WNT11: variants seen among roughly 807,000 people sequenced by gnomAD.
WNT11 encodes Wnt family member 11, also known as protein Wnt-11.
Under a neutral mutation model 35.6 loss-of-function variants are expected in WNT11, and 20 were observed. The ratio of observed to expected loss-of-function variants is 0.56; its 90% CI spans 0.40 to 0.82. WNT11 has a LOEUF of 0.82. Ranked by LOEUF, WNT11 falls within the 40% of genes least tolerant of loss-of-function variation. The pLI, the probability that WNT11 is intolerant of heterozygous loss-of-function variation, is 0.00. For synonymous variants in WNT11, 200 were observed against 211.9 expected (o/e 0.94, Z 0.49); for missense variants, 459 against 504.4 (o/e 0.91, Z 0.86).
In WNT11 at chr11:76,191,701, G is replaced by A; in HGVS notation, c.753C>T (p.Pro251=). Residue 251 remains proline, a synonymous_variant, in exon 4 of 5, where the codon CCC becomes CCT. Coordinates refer to ENST00000322563, the MANE Select transcript of WNT11 (RefSeq NM_004626.3). ...YLSATKVVHR[P]MGTRKHLVPK... is the part of the protein sequence containing the mutation. Reference sequence around the variant, plus strand: ...GCACCAGGTGCTTGCGGGTGCCCATGGGTCGGTGCACTACCTTGGTGGCCG... The same window carrying A: ...GCACCAGGTGCTTGCGGGTGCCCATAGGTCGGTGCACTACCTTGGTGGCCG... The A allele has an allele frequency of 1.9e-6, 3 of 1,613,958 alleles. No individual in the cohort carries two copies. The highest frequency in any genetic ancestry group is 2.5e-6 in the Non-Finnish European group (3 of 1,180,036).
At position 76,194,444 on chromosome 11, in the gene WNT11, T is replaced by G; in HGVS notation, c.597+123A>C. 1 of 1,163,096 alleles carries G rather than the reference T, an allele frequency of 8.6e-7. No individual in the cohort carries two copies. Among genetic ancestry groups the G allele is most frequent in the South Asian group, 1.6e-5 (1 of 62,486 alleles). 72.0% of individuals were successfully genotyped at this position (1,163,096 alleles called of 1,614,324 possible). A position where few individuals can be genotyped will look rare whatever the true frequency, so the allele number is the denominator to read the frequency against. ...GAGGATGAGGATGGTGCGAGGCACATCAGGTGTGGGCCAGTCAGGGCCCGT... is the reference window on the plus strand; with the variant it reads ...GAGGATGAGGATGGTGCGAGGCACAGCAGGTGTGGGCCAGTCAGGGCCCGT... On this transcript the variant is annotated intron_variant, in intron 3 of 4. Transcript: ENST00000322563. This position sits in a 1 kb window ranked among gnomAD's most constrained non-coding sequence, Gnocchi z 5.4.
At chr11:76,203,326 C>T (rs938656177) in intron 1 of WNT11, among the ~76,000 whole-genome samples, 5 of 152,210 alleles carry the variant, frequency 3.3e-5, no homozygotes, top group African/African-American at 4.8e-5. Flanking sequence ...TACTCTGCAG[C>T]GCCATGGCCC....
At position 76,194,871 on chromosome 11, in the gene WNT11, G is replaced by A. The variant is rs760906627; in HGVS notation, c.320-27C>T. 2.4e-5 allele frequency: 36 copies of A among 1,473,940 alleles called. No homozygotes were observed. Among genetic ancestry groups the A allele is most frequent in the Non-Finnish European group, 3.0e-5 (34 of 1,117,936 alleles). The allele number at this position is 1,473,940 out of a possible 1,614,324, so 91.3% of individuals were successfully genotyped here. On this transcript the variant is annotated intron_variant, in intron 2 of 4. Transcript: ENST00000322563. This position sits in a 1 kb window ranked among gnomAD's most constrained non-coding sequence, Gnocchi z 5.4. ...TGAGGGTGGGAGGGGAAGGTCAGCC[G>A]ACGCTGATCCAGGGCTAGGACCCTG...
chr11:76,190,052 G>GGGGGAGGGGAGACTGCC (rs1953159414), intron 4 of WNT11, among the ~76,000 whole-genome samples: 1 of 72,206 alleles, frequency 1.4e-5, no homozygotes, highest in Non-Finnish European at 3.6e-5. Flanking sequence ...CTGAGGGCAC[G>GGGGGAGGGGAGACTGCC]GGGGAGGGGA....
intron 2 of WNT11, among the ~76,000 whole-genome samples, chr11:76,195,758 C>T (rs1383856681): frequency 6.6e-6 from 1 of 152,216 alleles, no homozygotes; most frequent in Admixed American, 6.5e-5. Context: ...CCTCAGTTTC[C>T]TTAACTGTAG....
Position 76,206,466 on chromosome 11 carries a change from G to C in WNT11, c.-59C>G, listed in dbSNP as rs1228668259. The C allele has an allele frequency of 9.8e-6, 13 of 1,331,044 alleles. No homozygotes were observed. Among genetic ancestry groups the C allele is most frequent in the Non-Finnish European group, 1.2e-5 (12 of 1,042,760 alleles). 82.5% of individuals were successfully genotyped at this position (1,331,044 alleles called of 1,614,324 possible). On this transcript the variant is annotated 5_prime_UTR_variant, in exon 1 of 5. Transcript: ENST00000322563. ...AGGAGGAGCCGCGCCGAAGTCCTCC[G>C]CCTGCACGGCCGCCGCTGGTCCTGC...
chr11:76,187,499 G>C (rs1953115702), intron 4 of WNT11, among the ~76,000 whole-genome samples: 1 of 152,144 alleles, frequency 6.6e-6, no homozygotes, highest in African/African-American at 2.4e-5. Flanking sequence ...GTCTCACTCT[G>C]TTGCCCAGGC....
chr11:76,194,902 G>A lies in WNT11; in HGVS notation c.320-58C>T, dbSNP rs1207562595. ...GATCCAGGGCTAGGACCCTGCCCAG[G>A]TCAGAGGTCCTCCACCTTCGCCCAC... is the stretch of plus-strand genomic sequence containing the variant. On this transcript the variant is annotated intron_variant, in intron 2 of 4. Coordinates refer to ENST00000322563, the MANE Select transcript of WNT11 (RefSeq NM_004626.3). This position sits in a 1 kb window ranked among gnomAD's most constrained non-coding sequence, Gnocchi z 5.4. 1.6e-5 allele frequency: 23 copies of A among 1,438,914 alleles called. No individual in the cohort carries two copies. The South Asian group carries it at 3.1e-4, about 19-fold the overall frequency. The allele number at this position is 1,438,914 out of a possible 1,614,324, so 89.1% of individuals were successfully genotyped here.
chr11:76,204,419 G>A (rs1035691420), intron 1 of WNT11, among the ~76,000 whole-genome samples: 6 of 152,112 alleles, frequency 3.9e-5, no homozygotes, highest in Non-Finnish European at 7.4e-5. Flanking sequence ...TGCGCTGTTC[G>A]GCCTCCAGGC....
chr11:76,206,240 CG>C (rs1277353738), intron 1 of WNT11, 84 bp downstream of exon 1: 1 of 1,233,046 alleles, frequency 8.1e-7, no homozygotes, highest in South Asian at 2.0e-5. Flanking sequence ...GGTCTTGGTG[CG>C]CTCGCCCCAT....
intron 4 of WNT11, among the ~76,000 whole-genome samples, chr11:76,189,750 C>A (rs1480051674): frequency 6.6e-6 from 1 of 152,166 alleles, no homozygotes; most frequent in Non-Finnish European, 1.5e-5. Context: ...CCCTTGGGGA[C>A]CTCCCACCAG....
chr11:76,209,148 G>C (rs1341133881), upstream of WNT11, among the ~76,000 whole-genome samples: 3 of 152,134 alleles, frequency 2.0e-5, no homozygotes, highest in Non-Finnish European at 4.4e-5. Flanking sequence ...GACCTGCCCG[G>C]CCCCTTGCTT....
At chr11:76,191,911 C>G in intron 3 of WNT11, 55 bp from the exon 4 acceptor site, 1 of 1,540,862 alleles carries the variant, frequency 6.5e-7, no homozygotes, top group African/African-American at 1.4e-5. Flanking sequence ...CCTGGCCTGA[C>G]CCGGGACCCC....
rs751885211 is a variant in WNT11, at chr11:76,191,613, C to T, written c.841G>A (p.Asp281Asn). ...ACCTTCTCATTCTTCATGCAGAAGT[C>T]AGGTGAGCTCTGCAGATAGACGAGT... The part of the protein sequence containing the change: ...SELVYLQSSP[D>N]FCMKNEKVGS... The change falls in exon 4 of 5, where the codon GAC becomes AAC. Residue 281 changes from aspartate to asparagine, a missense_variant. By Grantham distance (23) the Asp-to-Asn change is conservative. Coordinates refer to ENST00000322563, the MANE Select transcript of WNT11 (RefSeq NM_004626.3). 1.9e-6 allele frequency: 3 copies of T among 1,613,684 alleles called. No individual in the cohort carries two copies. The highest frequency in any genetic ancestry group is 2.5e-6 in the Non-Finnish European group (3 of 1,179,768).
In WNT11 at chr11:76,206,452, C is replaced by T. The variant is rs1953476461; in HGVS notation, c.-45G>A. ...CCGGGGTCACACCCAGGAGGAGCCGCGCCGAAGTCCTCCGCCTGCACGGCC... is the reference window on the plus strand; with the variant it reads ...CCGGGGTCACACCCAGGAGGAGCCGTGCCGAAGTCCTCCGCCTGCACGGCC... On this transcript the variant is annotated 5_prime_UTR_variant, in exon 1 of 5. Coordinates refer to ENST00000322563, the MANE Select transcript of WNT11 (RefSeq NM_004626.3). 1 of 1,379,398 alleles carries T rather than the reference C, an allele frequency of 7.2e-7. No homozygotes were observed. 85.4% of individuals were successfully genotyped at this position (1,379,398 alleles called of 1,614,324 possible). A position where few individuals can be genotyped will look rare whatever the true frequency, so the allele number is the denominator to read the frequency against.
chr11:76,210,727 C>T, upstream of WNT11: 1 of 950,746 alleles, frequency 1.1e-6, no homozygotes. Flanking sequence ...GCTCGCCGCT[C>T]GCCCGAGCTC....
intron 1 of WNT11, among the ~76,000 whole-genome samples, chr11:76,203,395 G>A (rs900854941): frequency 6.6e-6 from 1 of 152,244 alleles, no homozygotes; most frequent in Non-Finnish European, 1.5e-5. Flanking sequence ...GCCCAGGGAA[G>A]GGGGCGGCCT....
At chr11:76,209,083 G>C (rs942410469), upstream of WNT11, among the ~76,000 whole-genome samples, 1 of 152,194 alleles carries the variant, frequency 6.6e-6, no homozygotes, top group Non-Finnish European at 1.5e-5. Flanking sequence ...GACGTGTCGA[G>C]GGAGTGCCCC....
In WNT11 at chr11:76,186,583, C is replaced by G. The variant is rs1953096537; in HGVS notation, c.*482G>C. ...AAATATTTCTGTAGCTTCCACATCC[C>G]AAAGGAAGAAAAAGCAAAAAACAAA... On this transcript the variant is annotated 3_prime_UTR_variant, in exon 5 of 5. Coordinates refer to ENST00000322563, the MANE Select transcript of WNT11 (RefSeq NM_004626.3). 1 of 190,428 alleles carries G rather than the reference C, an allele frequency of 5.3e-6. No individual in the cohort carries two copies. The highest frequency in any genetic ancestry group is 5.4e-5 in the Admixed American group (1 of 18,642). The allele number at this position is 190,428 out of a possible 1,614,324, so 11.8% of individuals were successfully genotyped here.
Sources: allele counts gnomAD v4.1 joint callset (sites outside exome capture counted in the v4.1 genomes callset), GRCh38; gene constraint gnomAD v4.1.1; non-coding constraint Gnocchi (gnomAD v3.1); transcripts MANE v1.5; gene names NCBI Gene and HGNC (gene_info 2026-07-23, HGNC 2026-07-21).